The following CDH11 variants were observed in gnomAD, a reference collection of about 807,000 sequenced individuals.
The protein encoded by CDH11 is cadherin 11.
In CDH11, 11 loss-of-function variants were observed where a neutral mutation model predicts 67.8. The observed-to-expected ratio is 0.16, with a 90% confidence interval of 0.10 to 0.27. The LOEUF is 0.27. CDH11 is among the 10% of genes least tolerant of loss of function. The pLI is 1.00. For missense variants in CDH11, 847 were observed against 1,031.2 expected, an observed-to-expected ratio of 0.82 and a Z score of 2.45; for synonymous variants, 419 against 400.0, an observed-to-expected ratio of 1.05 and a Z score of -0.57.
upstream of CDH11, chr16:65,122,106 G>T (rs2075344045): frequency 7.8e-6 from 4 of 511,004 alleles, no homozygotes; most frequent in South Asian, 2.1e-5. Context: ...AAACCGGGGG[G>T]AGGTGGCGGG....
At chr16:65,110,508 T>C (rs1370661289) in intron 1 of CDH11, among the ~76,000 whole-genome samples, 1 of 152,040 alleles carries the variant, frequency 6.6e-6, no homozygotes, top group African/African-American at 2.4e-5. Flanking sequence ...GGCACCACGG[T>C]TGTCCCCGCT....
chr16:65,108,089 C>G (rs1010679060), intron 1 of CDH11, among the ~76,000 whole-genome samples: 1 of 152,130 alleles, frequency 6.6e-6, no homozygotes, highest in Non-Finnish European at 1.5e-5. Flanking sequence ...GGACACTAGG[C>G]ACGTCTCTCT....
chr16:65,023,939 A>G (rs959479750), intron 2 of CDH11, among the ~76,000 whole-genome samples: 1 of 152,102 alleles, frequency 6.6e-6, no homozygotes. Flanking sequence ...CTCCTGTTTC[A>G]TCCTGGGACT....
chr16:64,962,567 G>A lies in CDH11; in HGVS notation c.1642+9012C>T, dbSNP rs573980419. Among the ~76,000 whole-genome samples, 16 of 152,168 alleles carry A rather than the reference G, an allele frequency of 1.1e-4. No individual in the cohort carries two copies. In the South Asian group the frequency reaches 2.9e-3, roughly 28 times the overall value. On this transcript the variant is annotated intron_variant, in intron 11 of 12. Transcript: ENST00000268603. ...GGAACCCAGTCACAGGACCTCTCCC[G>A]TGACCCCCTACCACACACATGCACA...
chr16:64,986,938 T>A (rs570172028), intron 7 of CDH11: 11 of 152,328 alleles, frequency 7.2e-5, no homozygotes, highest in Non-Finnish European at 5.9e-5. Flanking sequence ...TTTCAGGACC[T>A]GTCTTCCCCC....
At chr16:65,003,889 T>C (rs1219391308) in intron 3 of CDH11, among the ~76,000 whole-genome samples, 1 of 152,176 alleles carries the variant, frequency 6.6e-6, no homozygotes, top group Non-Finnish European at 1.5e-5. Flanking sequence ...TAGCTTGAAG[T>C]CTAGTGAAGT....
At chr16:65,092,988 G>A (rs1965507179) in intron 1 of CDH11, among the ~76,000 whole-genome samples, 1 of 147,880 alleles carries the variant, frequency 6.8e-6, no homozygotes, top group Non-Finnish European at 1.5e-5. Flanking sequence ...CCAGGCTGGA[G>A]TGCAGTGGCG....
At chr16:65,110,895 A>C (rs1792163474) in intron 1 of CDH11, among the ~76,000 whole-genome samples, 2 of 152,148 alleles carry the variant, frequency 1.3e-5, no homozygotes, top group Admixed American at 1.3e-4. Context: ...ACAAAATGCC[A>C]AGCATGAGCT....
Position 64,945,301 on chromosome 16 carries a change from TAAAAAA to T in CDH11, c.*2296_*2301del, listed in dbSNP as rs3046001. 116 of 388,150 alleles carry T rather than the reference TAAAAAA, an allele frequency of 3.0e-4. No homozygotes were observed. The highest frequency in any genetic ancestry group is 7.5e-4 in the African/African-American group (30 of 40,046). The allele number at this position is 388,150 out of a possible 1,614,324, so 24.0% of individuals were successfully genotyped here. ...AGAGGCTTAACGAAAAAATAAAAGG[TAAAAAA>T]AAAAAAAAAAAAGAAAAAGAAAAAC... On this transcript the variant is annotated 3_prime_UTR_variant, in exon 13 of 13. Coordinates refer to ENST00000268603, the MANE Select transcript of CDH11 (RefSeq NM_001797.4).
At chr16:65,017,650 A>C (rs1409177181) in intron 2 of CDH11, among the ~76,000 whole-genome samples, 1 of 152,192 alleles carries the variant, frequency 6.6e-6, no homozygotes, top group Non-Finnish European at 1.5e-5. Context: ...CTTTCCATGA[A>C]CTGGACACTT....
chr16:64,961,430 G>A (rs1329553718), intron 11 of CDH11, among the ~76,000 whole-genome samples: 1 of 152,074 alleles, frequency 6.6e-6, no homozygotes, highest in African/African-American at 2.4e-5. Flanking sequence ...TAATTGAGAT[G>A]GCCCATTGTA....
At chr16:65,118,143 A>G (rs1458619533) in intron 1 of CDH11, among the ~76,000 whole-genome samples, 1 of 152,188 alleles carries the variant, frequency 6.6e-6, no homozygotes, top group East Asian at 1.9e-4. Flanking sequence ...CCATGCAGAC[A>G]GTTGGAGAAG....
intron 2 of CDH11, among the ~76,000 whole-genome samples, chr16:65,026,365 C>A (rs74026229): frequency 6.6e-6 from 1 of 152,048 alleles, no homozygotes; most frequent in Non-Finnish European, 1.5e-5. Context: ...CTAGCTAATG[C>A]CCAAAATGGA....
At chr16:64,986,016 G>A (rs1319905670) in intron 7 of CDH11, 1 of 151,614 alleles carries the variant, frequency 6.6e-6, no homozygotes, top group Non-Finnish European at 1.5e-5. Context: ...AACTCTTGGT[G>A]GAAAAATGGG....
At chr16:65,086,029 T>C (rs1455087520) in intron 1 of CDH11, among the ~76,000 whole-genome samples, 1 of 152,236 alleles carries the variant, frequency 6.6e-6, no homozygotes, top group East Asian at 1.9e-4. Flanking sequence ...CTTGTGGTGC[T>C]ATTTTGATGC....
chr16:65,041,123 G>A (rs1376099751), intron 2 of CDH11, among the ~76,000 whole-genome samples: 1 of 152,212 alleles, frequency 6.6e-6, no homozygotes, highest in African/African-American at 2.4e-5. Flanking sequence ...GGGCAATTGT[G>A]TAACACTTTG....
Position 64,972,038 on chromosome 16 carries a change from G to A in CDH11, c.1417C>T (p.Pro473Ser), listed in dbSNP as rs2072019280. ...IHNRHQEAKV[P>S]VAIRVLDVND... ...ACATCAAGGACCCTAATGGCCACTG[G>A]GACTTTGGCTTCCTGATGCCGATTG... The change falls in exon 10 of 13, where the codon CCA (proline) becomes TCA (serine). Residue 473 changes from proline to serine, a missense_variant. Around this residue, in one of 2 missense-constraint regions of CDH11, gnomAD observed 612 missense variants for 678.7 expected, o/e 0.90. Transcript: ENST00000268603. The A allele has an allele frequency of 6.2e-7, 1 of 1,613,780 alleles. No homozygotes were observed. Among genetic ancestry groups the A allele is most frequent in the Middle Eastern group, 1.6e-4 (1 of 6,062 alleles).
Position 64,945,296 on chromosome 16 carries a change from A to C in CDH11, c.*2307T>G. 1 of 517,968 alleles carries C rather than the reference A, an allele frequency of 1.9e-6. No homozygotes were observed. Among genetic ancestry groups the C allele is most frequent in the Non-Finnish European group, 2.4e-6 (1 of 417,898 alleles). The allele number at this position is 517,968 out of a possible 1,614,324, so 32.1% of individuals were successfully genotyped here. ...ACAATAGAGGCTTAACGAAAAAATA[A>C]AAGGTAAAAAAAAAAAAAAAAAAGA... On this transcript the variant is annotated 3_prime_UTR_variant, in exon 13 of 13. Coordinates refer to ENST00000268603, the MANE Select transcript of CDH11 (RefSeq NM_001797.4).
intron 1 of CDH11, among the ~76,000 whole-genome samples, chr16:65,087,898 C>T (rs1207777237): frequency 6.6e-6 from 1 of 152,068 alleles, no homozygotes. Context: ...AGTAATTAAT[C>T]ATCATGGAAG....
Sources: gnomAD v4.1 joint callset for allele counts (sites outside exome capture counted in the v4.1 genomes callset) on GRCh38, gnomAD v4.1.1 for gene constraint, gnomAD v4.1.1 regional missense constraint, MANE v1.5 for transcripts, NCBI Gene and HGNC (gene_info 2026-07-23, HGNC 2026-07-21) for gene names.